PARM1: variants seen among roughly 807,000 people sequenced by gnomAD.
PARM1 encodes the protein WSC4, cell wall integrity and stress response component 4 homolog.
In PARM1, 14 loss-of-function variants were observed where a neutral mutation model predicts 24.6. That is an observed-to-expected ratio of 0.57 (90% confidence interval 0.38 to 0.89). PARM1 has a LOEUF of 0.89. Ranked by LOEUF, PARM1 falls within the 40% of genes least tolerant of loss-of-function variation. PARM1 has a pLI of 0.00. For synonymous variants in PARM1, 179 were observed against 156.6 expected (o/e 1.14, Z -1.07); for missense variants, 362 against 380.4 (o/e 0.95, Z 0.40).
chr4:75,026,761 A>G (rs879590619), intron 2 of PARM1, among the ~76,000 whole-genome samples: 2 of 152,180 alleles, frequency 1.3e-5, no homozygotes, highest in Non-Finnish European at 2.9e-5. Flanking sequence ...GTCCTGCAGC[A>G]TTTCAGTCTC....
At chr4:75,020,009 CAAAAAAAAAAAAAA>C (rs1161399344) in intron 2 of PARM1, among the ~76,000 whole-genome samples, 13 of 31,102 alleles carry the variant, frequency 4.2e-4, no homozygotes, top group South Asian at 3.4e-3. Context: ...GACTCCGTCT[CAAAAAAAAAAAAAA>C]AAAAAAAAAA....
intron 1 of PARM1, among the ~76,000 whole-genome samples, chr4:74,996,741 A>C (rs2070420819): frequency 6.6e-6 from 1 of 152,200 alleles, no homozygotes; most frequent in African/African-American, 2.4e-5. Flanking sequence ...AGTGAAACAG[A>C]AATCAAAATT....
intron 1 of PARM1, chr4:74,970,307 C>A (rs1398775189): frequency 6.6e-6 from 1 of 152,294 alleles, no homozygotes; most frequent in Non-Finnish European, 1.5e-5. Context: ...AGAGGAGGCA[C>A]TGCAGAAGGA....
intron 1 of PARM1, among the ~76,000 whole-genome samples, chr4:74,971,088 T>A (rs1318064461): frequency 2.0e-5 from 3 of 152,234 alleles, no homozygotes; most frequent in Non-Finnish European, 4.4e-5. Flanking sequence ...TAAGACACTG[T>A]ATTAGTCTGT....
intron 1 of PARM1, among the ~76,000 whole-genome samples, chr4:74,940,228 T>C (rs1203170932): frequency 6.6e-6 from 1 of 152,250 alleles, no homozygotes; most frequent in Non-Finnish European, 1.5e-5. Flanking sequence ...ACAGAGTTTA[T>C]TCACCCACTA....
At chr4:75,014,987 A>T (rs190547949) in intron 2 of PARM1, among the ~76,000 whole-genome samples, 6 of 152,358 alleles carry the variant, frequency 3.9e-5, no homozygotes, top group African/African-American at 1.2e-4. Context: ...CAAAGGGATC[A>T]TCAAAATACA....
rs763094125 is a variant in PARM1 at position 75,012,959 on chromosome 4, C to T, written c.578C>T (p.Pro193Leu). The T allele has an allele frequency of 4.6e-5, 74 of 1,613,822 alleles. No homozygotes were observed. The highest frequency in any genetic ancestry group is 6.2e-5 in the Non-Finnish European group (73 of 1,179,884). Residue 193 changes from proline (P) to leucine (L), a missense_variant, in exon 2 of 4, where the codon CCA becomes CTA. By Grantham distance (98) the Pro-to-Leu change is moderately conservative (BLOSUM62 -3). Transcript: ENST00000307428. The stretch of plus-strand genomic sequence containing the variant: ...CAACCCACTGGAGCTCCAACTGCAC[C>T]AGAGTCCCCGACAGAGGAGTCCAGC... ...STQPTGAPTA[P>L]ESPTEESSSD...
At chr4:75,046,129 A>T in intron 3 of PARM1, 34 bp from the exon 4 acceptor site, 1 of 1,484,646 alleles carries the variant, frequency 6.7e-7, no homozygotes, top group Non-Finnish European at 9.4e-7. Context: ...CAACTTTTCC[A>T]AGTAATCACA....
intron 1 of PARM1, among the ~76,000 whole-genome samples, chr4:74,951,789 A>G (rs1721530108): frequency 6.6e-6 from 1 of 152,186 alleles, no homozygotes; most frequent in Non-Finnish European, 1.5e-5. Context: ...AAGGCTGCAT[A>G]GTATTCCATG....
chr4:75,012,031 C>T (rs1192371671), intron 1 of PARM1, among the ~76,000 whole-genome samples: 5 of 152,182 alleles, frequency 3.3e-5, no homozygotes, highest in Admixed American at 6.5e-5. Context: ...AATGTCCACA[C>T]TCCCATCGTT....
chr4:74,995,145 T>C (rs1209337249), intron 1 of PARM1, among the ~76,000 whole-genome samples: 2 of 152,148 alleles, frequency 1.3e-5, no homozygotes, highest in Non-Finnish European at 2.9e-5. Context: ...GGGGAAGTGT[T>C]TGCATTGTTG....
intron 1 of PARM1, among the ~76,000 whole-genome samples, chr4:74,955,750 A>G (rs959143590): frequency 6.6e-6 from 1 of 152,240 alleles, no homozygotes; most frequent in Non-Finnish European, 1.5e-5. Context: ...CTCAAGTTAC[A>G]GATGAAGAAA....
At chr4:74,934,613 G>T (rs925819509) in intron 1 of PARM1, among the ~76,000 whole-genome samples, 1 of 152,230 alleles carries the variant, frequency 6.6e-6, no homozygotes, top group Non-Finnish European at 1.5e-5. Context: ...CGCGTCCGCG[G>T]ACAGTTCCCG....
At chr4:74,938,826 T>C (rs1721244803) in intron 1 of PARM1, among the ~76,000 whole-genome samples, 1 of 152,208 alleles carries the variant, frequency 6.6e-6, no homozygotes, top group African/African-American at 2.4e-5. Context: ...AACTTTGCCA[T>C]TGTGTAAGTA....
Position 74,933,413 on chromosome 4 carries a change from G to A in PARM1, c.43+43G>A, listed in dbSNP as rs749943366. 7.1e-5 allele frequency: 111 copies of A among 1,572,524 alleles called. 2 individuals are homozygous for A. The highest frequency in any genetic ancestry group is 3.1e-5 in the Non-Finnish European group (35 of 1,143,742). The stretch of plus-strand genomic sequence containing the variant: ...CCCGGAAGGGCAGGTCGCGGGGTGG[G>A]CCCCAGTAGCTAGCGCGTGGTCGGG... On this transcript the variant is annotated intron_variant, in intron 1 of 3. Transcript: ENST00000307428.
intron 1 of PARM1, among the ~76,000 whole-genome samples, chr4:74,952,943 A>G (rs981496091): frequency 6.6e-6 from 1 of 152,250 alleles, no homozygotes; most frequent in Admixed American, 6.5e-5. Context: ...ACCAAATAAC[A>G]TTGAAATAAT....
intron 1 of PARM1, among the ~76,000 whole-genome samples, chr4:74,943,251 A>T (rs1401722392): frequency 6.6e-6 from 1 of 152,068 alleles, no homozygotes; most frequent in Non-Finnish European, 1.5e-5. Flanking sequence ...CCCTCACTAA[A>T]ACATAGCTCT....
intron 1 of PARM1, chr4:74,999,319 A>G (rs1222224871): frequency 1.3e-5 from 2 of 152,252 alleles, no homozygotes; most frequent in Non-Finnish European, 2.9e-5. Context: ...TTGGTGCATT[A>G]CTTAATTACT....
intron 1 of PARM1, among the ~76,000 whole-genome samples, chr4:74,989,296 C>T (rs1722416999): frequency 6.6e-6 from 1 of 152,174 alleles, no homozygotes; most frequent in Non-Finnish European, 1.5e-5. Flanking sequence ...AACTAAGTTG[C>T]TATTTATACT....
Sources: allele counts gnomAD v4.1 joint callset (sites outside exome capture counted in the v4.1 genomes callset), GRCh38; gene constraint gnomAD v4.1.1; transcripts MANE v1.5; gene names NCBI Gene and HGNC (gene_info 2026-07-23, HGNC 2026-07-21).